NEGR1: variants seen among roughly 807,000 people sequenced by gnomAD.
NEGR1 encodes neuronal growth regulator 1.
In NEGR1, 10 loss-of-function variants were observed where a neutral mutation model predicts 40.9. The ratio of observed to expected loss-of-function variants is 0.24; its 90% CI spans 0.15 to 0.42. The LOEUF is 0.42. Ranked by LOEUF, NEGR1 falls within the 10% of genes least tolerant of loss-of-function variation. NEGR1 has a pLI of 1.00. For synonymous variants in NEGR1, 185 were observed against 166.8 expected (o/e 1.11, Z -0.84); for missense variants, 352 against 438.9 (o/e 0.80, Z 1.77).
chr1:71,985,170 G>C (rs1557468971), intron 1 of NEGR1, among the ~76,000 whole-genome samples: 1 of 152,042 alleles, frequency 6.6e-6, no homozygotes, highest in African/African-American at 2.4e-5. Flanking sequence ...TATATTTCAA[G>C]AATTAATAAT....
intron 6 of NEGR1, among the ~76,000 whole-genome samples, chr1:71,555,042 G>A (rs1557564871): frequency 1.3e-5 from 2 of 151,486 alleles, no homozygotes; most frequent in African/African-American, 4.8e-5. Context: ...TGGGTAGTTG[G>A]CACAGCTGCC....
At chr1:72,004,463 T>C (rs1180661281) in intron 1 of NEGR1, among the ~76,000 whole-genome samples, 1 of 152,046 alleles carries the variant, frequency 6.6e-6, no homozygotes, top group African/African-American at 2.4e-5. Flanking sequence ...TCGCAGCAAA[T>C]TTTTGTAATT....
At chr1:71,698,689 C>T (rs2101629517) in intron 3 of NEGR1, among the ~76,000 whole-genome samples, 1 of 151,900 alleles carries the variant, frequency 6.6e-6, no homozygotes, top group East Asian at 1.9e-4. Flanking sequence ...AGTGTACATG[C>T]TATATATAAC....
chr1:71,510,126 GT>G (rs1051798624), intron 6 of NEGR1, among the ~76,000 whole-genome samples: 2 of 152,186 alleles, frequency 1.3e-5, no homozygotes, highest in African/African-American at 4.8e-5. Context: ...AAAAGGAATG[GT>G]GGCTTCAATC....
chr1:72,147,935 C>G (rs1383928399), intron 1 of NEGR1, among the ~76,000 whole-genome samples: 1 of 152,104 alleles, frequency 6.6e-6, no homozygotes, highest in Non-Finnish European at 1.5e-5. Context: ...GGCTCCACGC[C>G]TGTGGCTTAG....
intron 3 of NEGR1, among the ~76,000 whole-genome samples, chr1:71,733,772 C>G (rs1450037218): frequency 6.6e-6 from 1 of 151,904 alleles, no homozygotes; most frequent in Non-Finnish European, 1.5e-5. Flanking sequence ...AATTGTAGAC[C>G]AAAATAAAAT....
At chr1:72,127,085 T>C (rs1348417932) in intron 1 of NEGR1, among the ~76,000 whole-genome samples, 1 of 151,974 alleles carries the variant, frequency 6.6e-6, no homozygotes, top group Non-Finnish European at 1.5e-5. Context: ...ACAAGGAAAA[T>C]TGCCCCACAA....
intron 1 of NEGR1, among the ~76,000 whole-genome samples, chr1:72,130,269 A>T (rs1255625385): frequency 4.6e-5 from 7 of 152,174 alleles, no homozygotes; most frequent in Admixed American, 3.3e-4. Flanking sequence ...GAACATTCTC[A>T]GGCACAGATA....
At chr1:71,636,713 T>C (rs1202295582) in intron 4 of NEGR1, among the ~76,000 whole-genome samples, 1 of 152,112 alleles carries the variant, frequency 6.6e-6, no homozygotes, top group Non-Finnish European at 1.5e-5. Context: ...TGTCATATTG[T>C]TTGCCATTTT....
chr1:71,766,842 A>C (rs931409210), intron 3 of NEGR1, among the ~76,000 whole-genome samples: 2 of 152,066 alleles, frequency 1.3e-5, no homozygotes, highest in Non-Finnish European at 2.9e-5. Flanking sequence ...TTCTCATGAC[A>C]TCTTGTTGTT....
intron 1 of NEGR1, among the ~76,000 whole-genome samples, chr1:72,159,734 T>C (rs1027410453): frequency 2.1e-4 from 32 of 152,054 alleles, no homozygotes; most frequent in Non-Finnish European, 4.1e-4. Context: ...TCTAAGAACT[T>C]TTGGGGGATA....
chr1:71,712,148 A>C (rs993007265), intron 3 of NEGR1, among the ~76,000 whole-genome samples: 1 of 152,224 alleles, frequency 6.6e-6, no homozygotes, highest in African/African-American at 2.4e-5. Context: ...TGTATGCTAC[A>C]AATAGTGATT....
chr1:72,008,756 G>A (rs1222408140), intron 1 of NEGR1, among the ~76,000 whole-genome samples: 1 of 151,958 alleles, frequency 6.6e-6, no homozygotes, highest in Non-Finnish European at 1.5e-5. Flanking sequence ...GGTGACTGAT[G>A]ATAATAAAAA....
chr1:72,143,911 T>TG, intron 1 of NEGR1, among the ~76,000 whole-genome samples: 1 of 62,056 alleles, frequency 1.6e-5, no homozygotes, highest in Non-Finnish European at 3.2e-5. Flanking sequence ...ATATGATATA[T>TG]ATAATATATA....
chr1:72,148,998 AC>A (rs997126821), intron 1 of NEGR1, among the ~76,000 whole-genome samples: 1 of 151,716 alleles, frequency 6.6e-6, no homozygotes, highest in Non-Finnish European at 1.5e-5. Flanking sequence ...CTTTTCAGCA[AC>A]CCCCCTGCAA....
intron 1 of NEGR1, among the ~76,000 whole-genome samples, chr1:72,073,831 TAAGA>T (rs1032896453): frequency 2.0e-5 from 3 of 151,116 alleles, no homozygotes; most frequent in African/African-American, 7.3e-5. Context: ...AGAAGAGACA[TAAGA>T]AAGAAAAATG....
chr1:71,972,991 T>C (rs575559776), intron 1 of NEGR1, among the ~76,000 whole-genome samples: 1 of 152,150 alleles, frequency 6.6e-6, no homozygotes, highest in African/African-American at 2.4e-5. Flanking sequence ...AGTGAACATA[T>C]AAATGCATAT....
intron 2 of NEGR1, among the ~76,000 whole-genome samples, chr1:71,916,066 G>T (rs1030150303): frequency 2.0e-5 from 3 of 152,084 alleles, no homozygotes; most frequent in African/African-American, 7.2e-5. Flanking sequence ...AGAGGGTAAG[G>T]GTGGGCAAAA....
At chr1:72,264,196 T>C (rs910633142) in intron 1 of NEGR1, among the ~76,000 whole-genome samples, 2 of 151,380 alleles carry the variant, frequency 1.3e-5, no homozygotes, top group Admixed American at 6.6e-5. Context: ...TGAGTTCCAA[T>C]CCAAGCTTTG....
Sources: gnomAD v4.1 joint callset for allele counts (sites outside exome capture counted in the v4.1 genomes callset) on GRCh38, gnomAD v4.1.1 for gene constraint, MANE v1.5 for transcripts, NCBI Gene and HGNC (gene_info 2026-07-23, HGNC 2026-07-21) for gene names.